KIF13B: variants seen among roughly 807,000 people sequenced by gnomAD.
KIF13B encodes the protein kinesin family member 13B, also known as kinesin-like protein KIF13B.
KIF13B carries 127 observed loss-of-function variants against 222.0 expected under a neutral mutation model. That is an observed-to-expected ratio of 0.57 (90% CI 0.50 to 0.66). The LOEUF (loss-of-function observed/expected upper bound fraction) is 0.66. Ranked by LOEUF, KIF13B falls within the 30% of genes least tolerant of loss-of-function variation. The pLI is 0.00. For synonymous variants in KIF13B, 976 were observed against 919.0 expected (o/e 1.06, Z -1.12); for missense variants, 2,173 against 2,379.0 (o/e 0.91, Z 1.80).
At chr8:29,159,527 T>C (rs919276546) in intron 13 of KIF13B, among the ~76,000 whole-genome samples, 6 of 152,182 alleles carry the variant, frequency 3.9e-5, no homozygotes, top group Non-Finnish European at 8.8e-5. Context: ...AAAAGTGGAA[T>C]GTGGGATCTT....
chr8:29,137,052 A>G (rs1481393466), intron 21 of KIF13B, among the ~76,000 whole-genome samples: 1 of 152,010 alleles, frequency 6.6e-6, no homozygotes. Context: ...CGCCCGCCTC[A>G]GCCTCCCAAA....
rs113089403 is a variant in KIF13B at position 29,070,098 on chromosome 8, AG to A, written c.*405del. On this transcript the variant is annotated 3_prime_UTR_variant, in exon 40 of 40. Coordinates refer to ENST00000524189, the MANE Select transcript of KIF13B (RefSeq NM_015254.4). This position sits in a 1 kb window ranked among gnomAD's most constrained non-coding sequence, Gnocchi z 4.1. ...TGGGGGGGCTTGCCCTCCAGTGGGG[AG>A]GAAAGGCACTGGTTACAATTATGGT... 4.5e-3 allele frequency: 831 copies of A among 182,660 alleles called. 14 individuals are homozygous for A. Among genetic ancestry groups the A allele is most frequent in the East Asian group, 0.044 (238 of 5,400 alleles). The allele number at this position is 182,660 out of a possible 1,614,324, so 11.3% of individuals were successfully genotyped here.
In KIF13B at chr8:29,118,939, C is replaced by T. The variant is rs1426208158; in HGVS notation, c.3589G>A (p.Asp1197Asn). 3 of 1,613,856 alleles carry T rather than the reference C, an allele frequency of 1.9e-6. No individual in the cohort carries two copies. The highest frequency in any genetic ancestry group is 2.5e-6 in the Non-Finnish European group (3 of 1,179,774). ...TCTTCTTCCCCAGTCAAGGTCGCAT[C>T]CCATCCACCAGCTTCTGGGTCATCA... The part of the protein sequence containing the change: ...NLDDPEAGGW[D>N]ATLTGEEEEE... Residue 1197 changes from aspartate to asparagine, a missense_variant, in exon 30 of 40, where the codon GAT (aspartate) becomes AAT (asparagine). Transcript: ENST00000524189.
At chr8:29,258,661 T>C (rs961257574) in intron 1 of KIF13B, among the ~76,000 whole-genome samples, 1 of 152,118 alleles carries the variant, frequency 6.6e-6, no homozygotes, top group Admixed American at 6.5e-5. Context: ...CAGGCCATAC[T>C]TCCTCCTCAA....
At chr8:29,166,077 A>G (rs1373324792) in intron 11 of KIF13B, among the ~76,000 whole-genome samples, 8 of 152,210 alleles carry the variant, frequency 5.3e-5, no homozygotes, top group African/African-American at 1.9e-4. Context: ...TAAAATCCTA[A>G]TAGGTTATAC....
intron 12 of KIF13B, 37 bp downstream of exon 12, chr8:29,165,625 T>C (rs371635122): frequency 1.5e-6 from 2 of 1,356,036 alleles, no homozygotes; most frequent in African/African-American, 2.9e-5. Context: ...CAAACTGCCA[T>C]GAGGTTTCAT....
At chr8:29,238,910 T>C (rs928152010) in intron 2 of KIF13B, among the ~76,000 whole-genome samples, 3 of 152,118 alleles carry the variant, frequency 2.0e-5, no homozygotes, top group South Asian at 2.1e-4. Flanking sequence ...TGGTGGTACA[T>C]GCCTGTAGTC....
chr8:29,093,381 A>G (rs933145110), intron 36 of KIF13B, among the ~76,000 whole-genome samples: 10 of 152,336 alleles, frequency 6.6e-5, no homozygotes, highest in Middle Eastern at 6.8e-3. Context: ...GTTGTTTGTT[A>G]AAAGTCAGGG....
In KIF13B at chr8:29,227,539, G is replaced by A. The variant is rs547846125; in HGVS notation, c.149+17807C>T. On this transcript the variant is annotated intron_variant, in intron 2 of 39. Coordinates refer to ENST00000524189, the MANE Select transcript of KIF13B (RefSeq NM_015254.4). ...TCCTGACCTAGGTATATTTCAATAC[G>A]TATCTGGTTTCCTTGATAATCCTAT... Among the ~76,000 whole-genome samples, 198 of 152,226 alleles carry A rather than the reference G, an allele frequency of 1.3e-3. 2 individuals carry two copies. Among genetic ancestry groups the A allele is most frequent in the African/African-American group, 4.7e-3 (194 of 41,506 alleles).
Position 29,071,583 on chromosome 8 carries a change from CG to C in KIF13B, c.5218+36del. The C allele has an allele frequency of 6.6e-7, 1 of 1,516,128 alleles. No homozygotes were observed. The highest frequency in any genetic ancestry group is 8.9e-7 in the Non-Finnish European group (1 of 1,122,578). 93.9% of individuals were successfully genotyped at this position (1,516,128 alleles called of 1,614,324 possible). Reference sequence around the variant, plus strand: ...CCACGTTCCTGCTTCCCCAGACCCCCGGCACCACCCTGGAGCCCGGAGTGCC... The same window carrying C: ...CCACGTTCCTGCTTCCCCAGACCCCCGCACCACCCTGGAGCCCGGAGTGCC... On this transcript the variant is annotated intron_variant, in intron 39 of 39. Coordinates refer to ENST00000524189, the MANE Select transcript of KIF13B (RefSeq NM_015254.4). The surrounding 1 kb of genome is among the most constrained non-coding windows in gnomAD (Gnocchi z 4.9).
rs1807177546 is a variant in KIF13B, at chr8:29,069,975, G to A, written c.*529C>T. 6.4e-6 allele frequency: 1 copy of A among 155,202 alleles called. No homozygotes were observed. The highest frequency in any genetic ancestry group is 1.4e-5 in the Non-Finnish European group (1 of 70,584). The allele number at this position is 155,202 out of a possible 1,614,324, so 9.6% of individuals were successfully genotyped here. ...CACTTGTGGAACCTGGGACCAGGGT[G>A]GGAGGCTGGGGGGTCCCCCAGAGGC... On this transcript the variant is annotated 3_prime_UTR_variant, in exon 40 of 40. Transcript: ENST00000524189.
chr8:29,098,361 G>C (rs1808636875), intron 36 of KIF13B, among the ~76,000 whole-genome samples: 1 of 151,770 alleles, frequency 6.6e-6, no homozygotes, highest in Non-Finnish European at 1.5e-5. Flanking sequence ...CCAGCACTTT[G>C]GGAGGCTGAG....
intron 11 of KIF13B, 139 bp from the exon 12 acceptor site, chr8:29,165,911 G>GCAGA (rs1811977531): frequency 1.0e-5 from 7 of 671,962 alleles, no homozygotes; most frequent in Non-Finnish European, 1.8e-5. Flanking sequence ...TACTTCGATT[G>GCAGA]TAGATCGAAG....
Position 29,134,091 on chromosome 8 carries a change from G to T in KIF13B, c.2733C>A (p.Ser911=), listed in dbSNP as rs561193030. 13 of 1,613,964 alleles carry T rather than the reference G, an allele frequency of 8.1e-6. No homozygotes were observed. The Admixed American group carries it at 2.0e-4, about 25-fold the overall frequency. The part of the protein sequence containing the change: ...VIVAPEVDTS[S]SSVSKEPHCM... ...AGTGCGGCTCCTTGCTGACGGAAGA[G>T]GAGGAGGTGTCCACTTCAGGAGCGA... The change falls in exon 22 of 40, where the codon TCC becomes TCA. Residue 911 remains serine (S), a synonymous_variant. Transcript: ENST00000524189.
intron 2 of KIF13B, among the ~76,000 whole-genome samples, chr8:29,234,603 G>A (rs1364889841): frequency 2.8e-5 from 4 of 144,118 alleles, no homozygotes; most frequent in South Asian, 2.2e-4. Context: ...ACAACATTAT[G>A]AATGTATTTA....
chr8:29,110,722 A>AGCTGCACAGC (rs1809317423), intron 32 of KIF13B: 1 of 152,256 alleles, frequency 6.6e-6, no homozygotes, highest in Non-Finnish European at 1.5e-5. Context: ...CAATCCTGGG[A>AGCTGCACAGC]TGTGAGCTGG....
intron 36 of KIF13B, among the ~76,000 whole-genome samples, chr8:29,097,630 CA>C (rs1808593923): frequency 6.6e-6 from 1 of 151,860 alleles, no homozygotes; most frequent in African/African-American, 2.4e-5. Flanking sequence ...AGTCATGGAT[CA>C]AAGAAGCAAT....
chr8:29,146,382 C>CT lies in KIF13B; in HGVS notation c.2182dup (p.Arg728LysfsTer8). ...TTCAAGGAACGGCAACCTCACCTTC[C>CT]TGTTGGCATCCAGGCTGGAGGCTGG... On this transcript the variant is annotated frameshift_variant, in exon 18 of 40. Transcript: ENST00000524189. LOFTEE classifies it high-confidence loss of function. 1 of 1,613,892 alleles carries CT rather than the reference C, an allele frequency of 6.2e-7. No homozygotes were observed. The highest frequency in any genetic ancestry group is 8.5e-7 in the Non-Finnish European group (1 of 1,179,852).
chr8:29,166,576 C>T (rs983035592), intron 11 of KIF13B, among the ~76,000 whole-genome samples: 4 of 151,942 alleles, frequency 2.6e-5, no homozygotes, highest in Non-Finnish European at 4.4e-5. Flanking sequence ...TGGTGGCGTG[C>T]GCCTGTAATC....
Sources: gnomAD v4.1 joint callset for allele counts (sites outside exome capture counted in the v4.1 genomes callset) on GRCh38, gnomAD v4.1.1 for gene constraint, Gnocchi (gnomAD v3.1) non-coding constraint, MANE v1.5 for transcripts, NCBI Gene and HGNC (gene_info 2026-07-23, HGNC 2026-07-21) for gene names.